The following CHCHD3 variants were observed in gnomAD, a reference collection of about 807,000 sequenced individuals.
The protein encoded by CHCHD3 is coiled-coil-helix-coiled-coil-helix domain containing 3.
Under a neutral mutation model 38.2 loss-of-function variants are expected in CHCHD3, and 20 were observed. The observed-to-expected ratio is 0.52, with a 90% CI of 0.37 to 0.76. The LOEUF (loss-of-function observed/expected upper bound fraction) is 0.76, where lower values mean the gene tolerates loss of function less well. CHCHD3 is among the 30% of genes least tolerant of loss of function. The pLI is 0.00. For synonymous variants in CHCHD3, 82 were observed against 100.0 expected (o/e 0.82, Z 1.07); for missense variants, 245 against 279.2 (o/e 0.88, Z 0.87).
intron 4 of CHCHD3, among the ~76,000 whole-genome samples, chr7:132,968,788 T>C (rs915704284): frequency 2.0e-5 from 3 of 152,244 alleles, no homozygotes; most frequent in Non-Finnish European, 4.4e-5. Flanking sequence ...CTTTTGAGTA[T>C]AAACCATGTC....
chr7:133,060,769 G>C (rs1257150662), intron 2 of CHCHD3, among the ~76,000 whole-genome samples: 1 of 152,112 alleles, frequency 6.6e-6, no homozygotes, highest in Non-Finnish European at 1.5e-5. Flanking sequence ...AATTAGCCAG[G>C]CGTGGTGGCG....
intron 5 of CHCHD3, among the ~76,000 whole-genome samples, chr7:132,840,930 G>A (rs1314201806): frequency 2.7e-5 from 4 of 149,570 alleles, no homozygotes; most frequent in Middle Eastern, 3.5e-3. Context: ...ACACACACAC[G>A]CAATCACACA....
chr7:132,986,420 AAAAG>A (rs1812123926), intron 3 of CHCHD3, among the ~76,000 whole-genome samples: 1 of 79,654 alleles, frequency 1.3e-5, no homozygotes, highest in African/African-American at 4.6e-5. Flanking sequence ...AGAAAAAGAA[AAAAG>A]AAAAAAAAAA....
intron 4 of CHCHD3, among the ~76,000 whole-genome samples, chr7:132,930,617 C>T (rs537992673): frequency 2.5e-4 from 38 of 152,238 alleles, no homozygotes; most frequent in African/African-American, 7.9e-4. Flanking sequence ...CTTTCTTCCC[C>T]GCTATCCTTT....
chr7:132,798,723 A>C (rs1806686097), intron 6 of CHCHD3, among the ~76,000 whole-genome samples: 1 of 152,128 alleles, frequency 6.6e-6, no homozygotes, highest in Non-Finnish European at 1.5e-5. Context: ...ACGGGAAAAG[A>C]CTGTAAAAAT....
chr7:132,825,067 C>A (rs1466270939), intron 6 of CHCHD3, among the ~76,000 whole-genome samples: 1 of 152,120 alleles, frequency 6.6e-6, no homozygotes, highest in Non-Finnish European at 1.5e-5. Context: ...GATGCTTCTG[C>A]AGTCGAGCTA....
chr7:132,869,125 T>G (rs1365467346), intron 5 of CHCHD3, among the ~76,000 whole-genome samples: 1 of 152,148 alleles, frequency 6.6e-6, no homozygotes, highest in Non-Finnish European at 1.5e-5. Context: ...CCAGAAGACA[T>G]GCTCACATTA....
intron 2 of CHCHD3, among the ~76,000 whole-genome samples, chr7:133,030,867 A>C (rs1813481037): frequency 6.6e-6 from 1 of 152,238 alleles, no homozygotes; most frequent in African/African-American, 2.4e-5. Context: ...AGTTCTAGCA[A>C]GTGTGGCTCT....
At chr7:132,817,915 AAAAG>A (rs1179257099) in intron 6 of CHCHD3, among the ~76,000 whole-genome samples, 37 of 151,994 alleles carry the variant, frequency 2.4e-4, no homozygotes, top group South Asian at 6.2e-4. Flanking sequence ...AAATAAAAAT[AAAAG>A]AAAGAAAGAA....
intron 3 of CHCHD3, among the ~76,000 whole-genome samples, chr7:132,990,122 G>A (rs934584874): frequency 4.6e-5 from 7 of 152,060 alleles, no homozygotes; most frequent in Non-Finnish European, 7.4e-5. Context: ...GCAGTGAGCC[G>A]AGATCACGCC....
At chr7:132,910,647 A>C (rs1317107959) in intron 4 of CHCHD3, among the ~76,000 whole-genome samples, 2 of 152,164 alleles carry the variant, frequency 1.3e-5, no homozygotes, top group African/African-American at 2.4e-5. Context: ...ATTTCTCTTC[A>C]TCCAAGCTGA....
At chr7:132,871,506 T>C (rs543978981) in intron 5 of CHCHD3, among the ~76,000 whole-genome samples, 105 of 152,330 alleles carry the variant, frequency 6.9e-4, no homozygotes, top group Middle Eastern at 3.4e-3. Flanking sequence ...TTCATTTTAA[T>C]GATAATGAGG....
chr7:132,911,464 C>T (rs749208051), intron 4 of CHCHD3, among the ~76,000 whole-genome samples: 3 of 152,204 alleles, frequency 2.0e-5, no homozygotes, highest in Non-Finnish European at 4.4e-5. Context: ...TCAAGGCAGA[C>T]ACAAGACGCT....
intron 6 of CHCHD3, chr7:132,813,323 A>T (rs912414674): frequency 6.6e-6 from 1 of 152,232 alleles, no homozygotes; most frequent in African/African-American, 2.4e-5. Flanking sequence ...TAAGTTCTAG[A>T]ATACAGTCAA....
intron 4 of CHCHD3, among the ~76,000 whole-genome samples, chr7:132,968,393 G>A (rs1008986701): frequency 2.6e-5 from 4 of 152,154 alleles, no homozygotes; most frequent in Non-Finnish European, 5.9e-5. Context: ...TGAGAAAAAT[G>A]TCTAACACCT....
intron 5 of CHCHD3, among the ~76,000 whole-genome samples, chr7:132,866,948 C>T (rs1361582793): frequency 6.6e-6 from 1 of 152,150 alleles, no homozygotes; most frequent in Non-Finnish European, 1.5e-5. Flanking sequence ...CTTTTGGGTC[C>T]CTGCTCACGT....
At chr7:132,838,354 T>C in intron 6 of CHCHD3, 45 bp downstream of exon 6, 1 of 1,307,068 alleles carries the variant, frequency 7.7e-7, no homozygotes, top group Non-Finnish European at 1.1e-6. Context: ...TGTGCTTTCA[T>C]CTTGTTAAGA....
chr7:133,081,846 C>T lies in CHCHD3; in HGVS notation c.81+11G>A, dbSNP rs774786489. ...CAACCACTGGCCCTCCGCCCGTCCA[C>T]GGGCACTCACCCGGATGCCCTTCAC... On this transcript the variant is annotated intron_variant, in intron 1 of 7. Coordinates refer to ENST00000262570, the MANE Select transcript of CHCHD3 (RefSeq NM_017812.4). The T allele has an allele frequency of 1.4e-5, 22 of 1,552,172 alleles. No individual in the cohort carries two copies. The highest frequency in any genetic ancestry group is 2.0e-5 in the Admixed American group (1 of 51,148).
intron 6 of CHCHD3, among the ~76,000 whole-genome samples, chr7:132,827,804 G>A (rs1189254349): frequency 1.3e-5 from 2 of 152,168 alleles, no homozygotes; most frequent in African/African-American, 4.8e-5. Flanking sequence ...GCTTCTTTGT[G>A]TGTACCATGA....
Sources: gnomAD v4.1 joint callset for allele counts (sites outside exome capture counted in the v4.1 genomes callset) on GRCh38, gnomAD v4.1.1 for gene constraint, MANE v1.5 for transcripts, NCBI Gene and HGNC (gene_info 2026-07-23, HGNC 2026-07-21) for gene names.